The following PRKACB variants were observed in gnomAD, a reference collection of about 807,000 sequenced individuals.
PRKACB encodes the protein protein kinase cAMP-activated catalytic subunit beta.
PRKACB carries 16 observed loss-of-function variants against 51.4 expected under a neutral mutation model. The observed-to-expected ratio is 0.31, with a 90% confidence interval of 0.21 to 0.47. The LOEUF is 0.47. Ranked by LOEUF, PRKACB falls within the 20% of genes least tolerant of loss-of-function variation. PRKACB has a pLI of 1.00. For synonymous variants in PRKACB, 147 were observed against 154.4 expected, an observed-to-expected ratio of 0.95 and a Z score of 0.35; for missense variants, 309 against 464.5, an observed-to-expected ratio of 0.67 and a Z score of 3.08.
chr1:84,126,837 A>G (rs1651660820), intron 1 of PRKACB, among the ~76,000 whole-genome samples: 1 of 152,108 alleles, frequency 6.6e-6, no homozygotes, highest in Non-Finnish European at 1.5e-5. Context: ...TGAATCATCA[A>G]ATCTCCTTGT....
intron 9 of PRKACB, among the ~76,000 whole-genome samples, chr1:84,220,313 G>A (rs1220391203): frequency 6.6e-6 from 1 of 151,976 alleles, no homozygotes; most frequent in Non-Finnish European, 1.5e-5. Context: ...TTTGTATTCT[G>A]CACCTTTACT....
chr1:84,089,500 T>C lies in PRKACB; in HGVS notation c.46+11129T>C, dbSNP rs145634340. Among the ~76,000 whole-genome samples, 626 of 152,304 alleles carry C rather than the reference T, an allele frequency of 4.1e-3. 4 individuals carry two copies. Among genetic ancestry groups the C allele is most frequent in the African/African-American group, 0.014 (563 of 41,552 alleles). Reference sequence around the variant, plus strand: ...TTATTCAAGGCATGTATCATTCAACTGTGCCACTGTGTTTCTCATCCTTGT... The same window carrying C: ...TTATTCAAGGCATGTATCATTCAACCGTGCCACTGTGTTTCTCATCCTTGT... On this transcript the variant is annotated intron_variant, in intron 1 of 8. Transcript: ENST00000370688.
intron 5 of PRKACB, among the ~76,000 whole-genome samples, chr1:84,194,526 C>A (rs1260750246): frequency 6.6e-6 from 1 of 152,216 alleles, no homozygotes; most frequent in African/African-American, 2.4e-5. Context: ...AAAACTGCTA[C>A]AGCATTAGCC....
chr1:84,225,072 C>A (rs2101649405), intron 9 of PRKACB, among the ~76,000 whole-genome samples: 1 of 152,270 alleles, frequency 6.6e-6, no homozygotes, highest in African/African-American at 2.4e-5. Flanking sequence ...TGTGCTAGGG[C>A]ACTAGGAGGG....
intron 1 of PRKACB, among the ~76,000 whole-genome samples, chr1:84,130,590 T>C (rs1652087455): frequency 6.6e-6 from 1 of 152,214 alleles, no homozygotes; most frequent in Non-Finnish European, 1.5e-5. Flanking sequence ...AAGAGATTGC[T>C]GCAGAAATTT....
At chr1:84,179,692 G>C (rs1373978261) in intron 2 of PRKACB, among the ~76,000 whole-genome samples, 1 of 151,636 alleles carries the variant, frequency 6.6e-6, no homozygotes, top group Non-Finnish European at 1.5e-5. Context: ...TATAATTAAA[G>C]TATTTTAGAT....
At chr1:84,090,762 C>T (rs1648395292) in intron 1 of PRKACB, among the ~76,000 whole-genome samples, 1 of 152,132 alleles carries the variant, frequency 6.6e-6, no homozygotes, top group Non-Finnish European at 1.5e-5. Context: ...AGTGTCACTT[C>T]AGCTGCATTC....
At chr1:84,108,496 A>G (rs1204108793) in intron 1 of PRKACB, among the ~76,000 whole-genome samples, 1 of 152,078 alleles carries the variant, frequency 6.6e-6, no homozygotes, top group Admixed American at 6.6e-5. Context: ...AAAAATTAAA[A>G]TACTAAAAAA....
chr1:84,110,664 T>C (rs1650156571), intron 1 of PRKACB, among the ~76,000 whole-genome samples: 1 of 151,992 alleles, frequency 6.6e-6, no homozygotes, highest in Non-Finnish European at 1.5e-5. Flanking sequence ...TTCCCTAATC[T>C]ATAGTGTTTT....
chr1:84,175,672 G>C, intron 1 of PRKACB: 1 of 706,730 alleles, frequency 1.4e-6, no homozygotes, highest in Non-Finnish European at 2.2e-6. Flanking sequence ...AAAAATTTGA[G>C]GGGGGATAAG....
chr1:84,230,906 T>C (rs533207558), intron 9 of PRKACB, among the ~76,000 whole-genome samples: 2,629 of 142,520 alleles, frequency 0.018, 129 homozygotes, highest in African/African-American at 0.069. Flanking sequence ...CTTTTCCTAA[T>C]TGAATACCCT....
intron 1 of PRKACB, among the ~76,000 whole-genome samples, chr1:84,173,579 T>C (rs879941325): frequency 6.6e-6 from 1 of 151,680 alleles, no homozygotes; most frequent in Admixed American, 6.6e-5. Flanking sequence ...TGGAAGAAGA[T>C]GGACTAATGC....
intron 1 of PRKACB, among the ~76,000 whole-genome samples, chr1:84,134,927 C>G (rs1418791730): frequency 6.6e-6 from 1 of 152,054 alleles, no homozygotes; most frequent in Non-Finnish European, 1.5e-5. Flanking sequence ...AAACAGTTTC[C>G]TTTAGATCAG....
chr1:84,176,253 T>C (rs1661220923), intron 1 of PRKACB, among the ~76,000 whole-genome samples: 1 of 151,872 alleles, frequency 6.6e-6, no homozygotes, highest in African/African-American at 2.4e-5. Flanking sequence ...GAGCAGTATT[T>C]GAATCTGGCT....
intron 1 of PRKACB, among the ~76,000 whole-genome samples, chr1:84,163,580 GAGCTAT>G: frequency 6.6e-6 from 1 of 152,060 alleles, no homozygotes; most frequent in Non-Finnish European, 1.5e-5. Flanking sequence ...TCTCCTGACT[GAGCTAT>G]AAAGGAGTGG....
chr1:84,092,669 A>G (rs1648575303), intron 1 of PRKACB, among the ~76,000 whole-genome samples: 1 of 152,168 alleles, frequency 6.6e-6, no homozygotes, highest in African/African-American at 2.4e-5. Context: ...ATACCACCAA[A>G]TAAATTTTCA....
intron 1 of PRKACB, among the ~76,000 whole-genome samples, chr1:84,124,118 G>A (rs1284758761): frequency 6.6e-6 from 1 of 152,112 alleles, no homozygotes; most frequent in Non-Finnish European, 1.5e-5. Flanking sequence ...AACATTTATT[G>A]AGTGTATACT....
upstream of PRKACB, among the ~76,000 whole-genome samples, chr1:84,142,511 A>G (rs1370372683): frequency 1.3e-5 from 2 of 152,224 alleles, no homozygotes; most frequent in Non-Finnish European, 2.9e-5. Context: ...AATTATTGTT[A>G]TGCACACATA....
chr1:84,182,423 G>A (rs1663810573), intron 3 of PRKACB, 95 bp downstream of exon 3: 4 of 945,552 alleles, frequency 4.2e-6, no homozygotes, highest in Non-Finnish European at 5.7e-6. Flanking sequence ...ACCATTGACA[G>A]CTTCAAATAA....
Sources: allele counts gnomAD v4.1 joint callset (sites outside exome capture counted in the v4.1 genomes callset), GRCh38; gene constraint gnomAD v4.1.1; transcripts MANE v1.5; gene names NCBI Gene and HGNC (gene_info 2026-07-23, HGNC 2026-07-21).